The following MXD1 variants were observed in gnomAD, a reference collection of about 807,000 sequenced individuals.
MXD1 encodes the protein MAX-binding protein.
MXD1 carries 9 observed loss-of-function variants against 25.7 expected under a neutral mutation model. The ratio of observed to expected loss-of-function variants is 0.35; its 90% CI spans 0.21 to 0.61. The LOEUF (loss-of-function observed/expected upper bound fraction) is 0.61, where lower values mean the gene tolerates loss of function less well. Among genes scored for constraint, MXD1 ranks in the 20% least tolerant of loss-of-function variants. The pLI is 0.75. For missense variants in MXD1, 227 were observed against 292.4 expected (o/e 0.78, Z 1.63); for synonymous variants, 99 against 113.9 (o/e 0.87, Z 0.83).
intron 3 of MXD1, among the ~76,000 whole-genome samples, chr2:69,925,149 CA>C (rs1677146067): frequency 6.6e-6 from 1 of 152,046 alleles, no homozygotes; most frequent in Admixed American, 6.6e-5. Context: ...TATCACTCTA[CA>C]GGGGGTTTGT....
In MXD1 at chr2:69,940,324, C is replaced by G. The variant is rs1003136567; in HGVS notation, c.*2040C>G. 6.6e-6 allele frequency: 1 copy of G among 152,154 alleles called. No individual in the cohort carries two copies. Among genetic ancestry groups the G allele is most frequent in the African/African-American group, 2.4e-5 (1 of 41,408 alleles). 9.4% of individuals were successfully genotyped at this position (152,154 alleles called of 1,614,324 possible). On this transcript the variant is annotated 3_prime_UTR_variant, in exon 6 of 6. Coordinates refer to ENST00000264444, the MANE Select transcript of MXD1 (RefSeq NM_002357.4). ...AACATATTTGAAAAAGATATGTCTG[C>G]ACTTTGAGGTCCCTTTTGAATGCCA...
intron 4 of MXD1, among the ~76,000 whole-genome samples, chr2:69,935,969 G>T (rs531490169): frequency 1.3e-5 from 2 of 152,158 alleles, no homozygotes; most frequent in East Asian, 3.9e-4. Flanking sequence ...CCCAGATTCT[G>T]CCTTGCCTGG....
In MXD1 at chr2:69,921,347, G is replaced by A. The variant is rs370047684; in HGVS notation, c.174-389G>A. ...TATGCTACCCCTAGGGAAAACTGCA[G>A]GGGTGGGGTAGGGGTGCTACCTCCC... is the stretch of plus-strand genomic sequence containing the variant. On this transcript the variant is annotated intron_variant, in intron 2 of 5. Coordinates refer to ENST00000264444, the MANE Select transcript of MXD1 (RefSeq NM_002357.4). Among the ~76,000 whole-genome samples the A allele has an allele frequency of 2.6e-5, 4 of 152,276 alleles. No individual in the cohort carries two copies. In the South Asian group the frequency reaches 8.3e-4, roughly 32 times the overall value.
At position 69,941,315 on chromosome 2, in the gene MXD1, G is replaced by A. The variant is rs1422689027; in HGVS notation, c.*3031G>A. On this transcript the variant is annotated 3_prime_UTR_variant, in exon 6 of 6. Coordinates refer to ENST00000264444, the MANE Select transcript of MXD1 (RefSeq NM_002357.4). ...CATCCCCTGTTGGCTTTGAATGGTGGGCCGAGCACCCAGGTCGTCTGTATT... is the reference window on the plus strand; with the variant it reads ...CATCCCCTGTTGGCTTTGAATGGTGAGCCGAGCACCCAGGTCGTCTGTATT... The A allele has an allele frequency of 1.3e-5, 2 of 152,240 alleles. No homozygotes were observed. Among genetic ancestry groups the A allele is most frequent in the Non-Finnish European group, 2.9e-5 (2 of 68,030 alleles). The allele number at this position is 152,240 out of a possible 1,614,324, so 9.4% of individuals were successfully genotyped here.
rs1211126594 is a variant in MXD1 at position 69,915,942 on chromosome 2, T to C, written c.74-179T>C. Among the ~76,000 whole-genome samples the C allele has an allele frequency of 1.3e-5, 2 of 152,264 alleles. No homozygotes were observed. Among genetic ancestry groups the C allele is most frequent in the Non-Finnish European group, 2.9e-5 (2 of 68,044 alleles). The stretch of plus-strand genomic sequence containing the variant: ...GAATCCTCCTTACACCTGCTCCGAA[T>C]TGACGATATTCACACAATTTTTTTT... On this transcript the variant is annotated intron_variant, in intron 1 of 5. Coordinates refer to ENST00000264444, the MANE Select transcript of MXD1 (RefSeq NM_002357.4). This position sits in a 1 kb window ranked among gnomAD's most constrained non-coding sequence, Gnocchi z 5.8.
chr2:69,915,505 G>A lies in MXD1; in HGVS notation c.73+102G>A, dbSNP rs1002100761. ...AGCCGCTCCGGGGGTGGTTGGAGGC[G>A]GGGAGACCGCGAGCGCTCCCAACCC... On this transcript the variant is annotated intron_variant, in intron 1 of 5. Coordinates refer to ENST00000264444, the MANE Select transcript of MXD1 (RefSeq NM_002357.4). This position sits in a 1 kb window ranked among gnomAD's most constrained non-coding sequence, Gnocchi z 5.8. The A allele has an allele frequency of 5.8e-5, 57 of 990,048 alleles. No homozygotes were observed. The African/African-American group carries it at 9.1e-4, about 16-fold the overall frequency. 61.3% of individuals were successfully genotyped at this position (990,048 alleles called of 1,614,324 possible).
At chr2:69,917,884 A>G (rs1676990338) in intron 2 of MXD1, among the ~76,000 whole-genome samples, 1 of 151,616 alleles carries the variant, frequency 6.6e-6, no homozygotes, top group African/African-American at 2.4e-5. Context: ...TTTGCTTTCC[A>G]TGGTTAGAGA....
At chr2:69,931,316 C>T (rs1284703153) in intron 3 of MXD1, among the ~76,000 whole-genome samples, 1 of 152,038 alleles carries the variant, frequency 6.6e-6, no homozygotes, top group Admixed American at 6.5e-5. Context: ...CCATCCCCAC[C>T]TCCTGCCCAC....
intron 2 of MXD1, among the ~76,000 whole-genome samples, chr2:69,919,298 G>C (rs1334652463): frequency 4.6e-5 from 7 of 152,250 alleles, no homozygotes; most frequent in African/African-American, 1.7e-4. Flanking sequence ...TACAGTTAAA[G>C]AGGGTAATCT....
At chr2:69,938,070 T>C (rs761995312) in intron 5 of MXD1, 27 bp from the exon 6 acceptor site, 3 of 1,606,922 alleles carry the variant, frequency 1.9e-6, no homozygotes, top group African/African-American at 1.3e-5. Context: ...CTTTCATCAA[T>C]GTCCTTCTCT....
At chr2:69,936,473 C>G (rs1198868951) in intron 4 of MXD1, among the ~76,000 whole-genome samples, 2 of 152,134 alleles carry the variant, frequency 1.3e-5, no homozygotes, top group Non-Finnish European at 2.9e-5. Flanking sequence ...GAGCCACAGC[C>G]AAAATCCCTG....
At chr2:69,921,011 T>C (rs1411701452) in intron 2 of MXD1, among the ~76,000 whole-genome samples, 1 of 152,216 alleles carries the variant, frequency 6.6e-6, no homozygotes, top group Admixed American at 6.5e-5. Context: ...GTTCAGTAAA[T>C]AATTCGTAAT....
rs1369723797 is a variant in MXD1, at chr2:69,941,673, T to G, written c.*3389T>G. On this transcript the variant is annotated 3_prime_UTR_variant, in exon 6 of 6. Coordinates refer to ENST00000264444, the MANE Select transcript of MXD1 (RefSeq NM_002357.4). ...CTGAGTTTCCTATGGGCCTCTCTTC[T>G]GCATCCCCAAAGCGGCCAAGAGCAA... 2.0e-5 allele frequency: 3 copies of G among 152,184 alleles called. No homozygotes were observed. Among genetic ancestry groups the G allele is most frequent in the African/African-American group, 7.2e-5 (3 of 41,426 alleles). The allele number at this position is 152,184 out of a possible 1,614,324, so 9.4% of individuals were successfully genotyped here.
intron 3 of MXD1, among the ~76,000 whole-genome samples, chr2:69,928,563 C>T (rs1040357366): frequency 6.6e-6 from 1 of 152,088 alleles, no homozygotes; most frequent in African/African-American, 2.4e-5. Flanking sequence ...CTTGATCTTA[C>T]TCAATATTGT....
Position 69,938,226 on chromosome 2 carries a change from G to T in MXD1, c.608G>T (p.Ser203Ile). Residue 203 changes from serine to isoleucine, a missense_variant, in exon 6 of 6, where the codon AGC becomes ATC. Transcript: ENST00000264444. ...QSLGSDEGYS[S>I]TSIKRIKLQD... is the part of the protein sequence containing the mutation. The stretch of plus-strand genomic sequence containing the variant: ...CTCGGCAGTGATGAGGGCTATTCCA[G>T]CACCAGCATCAAGAGAATAAAGCTG... The T allele has an allele frequency of 6.2e-7, 1 of 1,614,204 alleles. No homozygotes were observed. Among genetic ancestry groups the T allele is most frequent in the Non-Finnish European group, 8.5e-7 (1 of 1,180,044 alleles).
At chr2:69,926,162 A>G (rs1049407788) in intron 3 of MXD1, among the ~76,000 whole-genome samples, 1 of 152,148 alleles carries the variant, frequency 6.6e-6, no homozygotes, top group African/African-American at 2.4e-5. Flanking sequence ...TTTTTCTATC[A>G]CATAACTGTC....
intron 3 of MXD1, 133 bp from the exon 4 acceptor site, chr2:69,935,218 A>G: frequency 1.5e-6 from 1 of 651,970 alleles, no homozygotes; most frequent in Non-Finnish European, 2.8e-6. Flanking sequence ...ATGTTTATTC[A>G]GCAAAAGGTC....
chr2:69,917,827 C>CAA (rs772479623), intron 2 of MXD1, among the ~76,000 whole-genome samples: 27 of 88,710 alleles, frequency 3.0e-4, no homozygotes, highest in South Asian at 2.6e-3. Flanking sequence ...AGTACTATGC[C>CAA]AAAAAAAAAA....
At chr2:69,921,906 A>G (rs773254211) in intron 3 of MXD1, 141 bp downstream of exon 3, 1 of 725,186 alleles carries the variant, frequency 1.4e-6, no homozygotes, top group African/African-American at 1.8e-5. Context: ...TCTAAGCAGC[A>G]TCGCTCATAA....
Sources: gnomAD v4.1 joint callset for allele counts (sites outside exome capture counted in the v4.1 genomes callset) on GRCh38, gnomAD v4.1.1 for gene constraint, Gnocchi (gnomAD v3.1) non-coding constraint, MANE v1.5 for transcripts, NCBI Gene and HGNC (gene_info 2026-07-23, HGNC 2026-07-21) for gene names.